Variants in PTCH1 observed in about 807,000 individuals in gnomAD.
The protein encoded by PTCH1 is protein patched homolog 1.
A neutral mutation model predicts 144.6 loss-of-function variants in PTCH1; 14 were observed. That is an observed-to-expected ratio of 0.10 (90% CI 0.06 to 0.15). The LOEUF (loss-of-function observed/expected upper bound fraction) is 0.15, where lower values mean the gene tolerates loss of function less well. PTCH1 is among the 10% of genes least tolerant of loss of function. The probability of loss-of-function intolerance (pLI) is 1.00; values close to 1 mark genes in which losing one functional copy is unlikely to be tolerated. For synonymous variants in PTCH1, 833 were observed against 793.6 expected, an observed-to-expected ratio of 1.05 and a Z score of -0.83; for missense variants, 1,623 against 1,948.3, an observed-to-expected ratio of 0.83 and a Z score of 3.14.
rs149381232 is a variant in PTCH1, at chr9:95,445,600, T to G, written c.*793A>C. The G allele has an allele frequency of 2.6e-5, 4 of 152,150 alleles. No individual in the cohort carries two copies. Among genetic ancestry groups the G allele is most frequent in the African/African-American group, 4.8e-5 (2 of 41,416 alleles). The allele number at this position is 152,150 out of a possible 1,614,324, so 9.4% of individuals were successfully genotyped here. ...AGAGTCTAGCTTTTGCCGGGCTGAT[T>G]TGAAAGGATTAGGTGGATGTTTAGG... is the stretch of plus-strand genomic sequence containing the variant. On this transcript the variant is annotated 3_prime_UTR_variant, in exon 24 of 24. Transcript: ENST00000331920.
rs1840326238 is a variant in PTCH1, at chr9:95,469,162, A to C, written c.1848-9T>G. 1 of 1,613,820 alleles carries C rather than the reference A, an allele frequency of 6.2e-7. No individual in the cohort carries two copies. The highest frequency in any genetic ancestry group is 1.7e-5 in the Admixed American group (1 of 60,002). On this transcript the variant is annotated splice_polypyrimidine_tract_variant and intron_variant, in intron 13 of 23. Coordinates refer to ENST00000331920, the MANE Select transcript of PTCH1 (RefSeq NM_000264.5). ...CTCTGCTGACGCAGGGGCTGAAAGG[A>C]GGGGAAACATGTTGCAATGTTATGC...
intron 12 of PTCH1, among the ~76,000 whole-genome samples, chr9:95,471,878 A>C (rs1443921804): frequency 6.6e-6 from 1 of 152,164 alleles, no homozygotes; most frequent in East Asian, 1.9e-4. Flanking sequence ...TCTCTACTAA[A>C]AACACAAAGT....
Position 95,453,599 on chromosome 9 carries a change from C to T in PTCH1, c.3328G>A (p.Asp1110Asn), listed in dbSNP as rs911494100. 2.5e-6 allele frequency: 4 copies of T among 1,613,848 alleles called. No homozygotes were observed. Among genetic ancestry groups the T allele is most frequent in the Non-Finnish European group, 3.4e-6 (4 of 1,180,044 alleles). Residue 1110 changes from aspartate (D) to asparagine (N), a missense_variant, in exon 20 of 24, where the codon GAC becomes AAC. Transcript: ENST00000331920. Reference sequence around the variant, plus strand: ...GCAAGCACAGCCCTGCGGTTCTTGTCGCCGATGGCCGTCAGAAAGGCCTGT... The same window carrying T: ...GCAAGCACAGCCCTGCGGTTCTTGTTGCCGATGGCCGTCAGAAAGGCCTGT... ...VALAFLTAIG[D>N]KNRRAVLALE...
intron 2 of PTCH1, among the ~76,000 whole-genome samples, chr9:95,489,167 C>T (rs2118606323): frequency 6.6e-6 from 1 of 152,296 alleles, no homozygotes; most frequent in South Asian, 2.1e-4. Flanking sequence ...ACTCGTCTGA[C>T]ATTTGCTACC....
At chr9:95,482,375 T>C (rs1455064473) in intron 3 of PTCH1, 172 bp from the exon 4 acceptor site, 4 of 638,268 alleles carry the variant, frequency 6.3e-6, no homozygotes, top group Non-Finnish European at 5.5e-6. Flanking sequence ...CTTTAATGAA[T>C]AGATAATACT....
At chr9:95,512,357 C>A (rs1422590364), upstream of PTCH1, among the ~76,000 whole-genome samples, 1 of 152,134 alleles carries the variant, frequency 6.6e-6, no homozygotes, top group Admixed American at 6.5e-5. Flanking sequence ...TCGGCTCTAA[C>A]GAGCGCTATC....
intron 2 of PTCH1, among the ~76,000 whole-genome samples, chr9:95,505,392 T>C (rs1187392294): frequency 6.6e-6 from 1 of 152,186 alleles, no homozygotes; most frequent in Non-Finnish European, 1.5e-5. Context: ...GTTAAAGTGT[T>C]TCCAAATAGC....
At chr9:95,507,822 A>G (rs1843826010) in intron 1 of PTCH1, 1 of 755,934 alleles carries the variant, frequency 1.3e-6, no homozygotes, top group African/African-American at 1.8e-5. Context: ...GGGGCAGGAC[A>G]GTGCCGCGGC....
At chr9:95,487,047 G>T (rs1842026006) in intron 2 of PTCH1, among the ~76,000 whole-genome samples, 1 of 152,212 alleles carries the variant, frequency 6.6e-6, no homozygotes, top group Non-Finnish European at 1.5e-5. Flanking sequence ...TAGTATTCAA[G>T]GACATAAACA....
chr9:95,448,224 G>A (rs112231334), intron 22 of PTCH1, among the ~76,000 whole-genome samples: 22 of 152,314 alleles, frequency 1.4e-4, no homozygotes, highest in African/African-American at 4.8e-4. Context: ...GCAGCTCAGC[G>A]GGCGTCGTCG....
intron 2 of PTCH1, among the ~76,000 whole-genome samples, chr9:95,500,500 A>T (rs1346879518): frequency 7.9e-5 from 12 of 152,220 alleles, no homozygotes; most frequent in Admixed American, 2.6e-4. Flanking sequence ...AGGGAGCAGA[A>T]AGGAGCTGCA....
chr9:95,516,540 C>T, exon 1 of PTCH1: 5 of 1,541,388 alleles, frequency 3.2e-6, no homozygotes, highest in Non-Finnish European at 3.5e-6. Flanking sequence ...GATTTCACAT[C>T]AATTCCTTTT....
chr9:95,515,317 T>C (rs986187333), intron 1 of PTCH1, among the ~76,000 whole-genome samples: 4 of 152,148 alleles, frequency 2.6e-5, no homozygotes, highest in Admixed American at 2.0e-4. Flanking sequence ...TTGTGGCTCT[T>C]TATTATTTAT....
chr9:95,494,358 G>A, intron 2 of PTCH1: 2 of 985,450 alleles, frequency 2.0e-6, no homozygotes, highest in East Asian at 1.1e-4. Flanking sequence ...AAGGAGCCAC[G>A]AGTTCCCGAG....
chr9:95,490,653 T>C (rs1842333605), intron 2 of PTCH1, among the ~76,000 whole-genome samples: 1 of 151,644 alleles, frequency 6.6e-6, no homozygotes, highest in African/African-American at 2.4e-5. Context: ...CACTCATATA[T>C]GAGAGGTAAA....
chr9:95,454,148 T>A (rs1400176690), intron 19 of PTCH1, among the ~76,000 whole-genome samples: 2 of 152,234 alleles, frequency 1.3e-5, no homozygotes, highest in Non-Finnish European at 2.9e-5. Flanking sequence ...CACAGGACCG[T>A]ACATTTGAAT....
chr9:95,459,722 T>C lies in PTCH1; in HGVS notation c.2765A>G (p.Tyr922Cys), dbSNP rs2136672306. 6.2e-7 allele frequency: 1 copy of C among 1,614,116 alleles called. No individual in the cohort carries two copies. Among genetic ancestry groups the C allele is most frequent in the Non-Finnish European group, 8.5e-7 (1 of 1,180,016 alleles). The change falls in exon 17 of 24, where the codon TAC (tyrosine) becomes TGC (cysteine). Residue 922 changes from tyrosine to cysteine, a missense_variant. Tyr to Cys is a radical substitution (Grantham distance 194). Transcript: ENST00000331920. ...GIINPSAFYI[Y>C]LTAWVSNDPV... ...GTCGTTGCTGACCCAAGCCGTCAGG[T>C]AGATGTAGAAAGCGCTGGGATTAAT...
chr9:95,481,840 T>A, intron 5 of PTCH1, 109 bp downstream of exon 5: 1 of 1,054,748 alleles, frequency 9.5e-7, no homozygotes, highest in Admixed American at 2.0e-5. Context: ...AATTTCAATG[T>A]TTTTATTTCT....
intron 2 of PTCH1, among the ~76,000 whole-genome samples, chr9:95,492,601 A>T (rs867906816): frequency 6.6e-6 from 1 of 151,996 alleles, no homozygotes; most frequent in African/African-American, 2.4e-5. Context: ...TCCCATCCTC[A>T]AGCTTTCTCA....
Sources: gnomAD v4.1 joint callset for allele counts (sites outside exome capture counted in the v4.1 genomes callset) on GRCh38, gnomAD v4.1.1 for gene constraint, MANE v1.5 for transcripts, NCBI Gene and HGNC (gene_info 2026-07-23, HGNC 2026-07-21) for gene names.